Variants in PLEKHH2 observed in about 807,000 individuals in gnomAD.
The protein encoded by PLEKHH2 is pleckstrin homology domain-containing family H member 2.
A neutral mutation model predicts 187.9 loss-of-function variants in PLEKHH2; 129 were observed. The ratio of observed to expected loss-of-function variants is 0.69; its 90% CI spans 0.59 to 0.79. The LOEUF is 0.79. Among genes scored for constraint, PLEKHH2 ranks in the 30% least tolerant of loss-of-function variants. The pLI is 0.00. For missense variants in PLEKHH2, 2,076 were observed against 1,751.2 expected, an observed-to-expected ratio of 1.19 and a Z score of -3.31; for synonymous variants, 686 against 605.6, an observed-to-expected ratio of 1.13 and a Z score of -1.95.
chr2:43,665,966 C>T (rs12990173), intron 2 of PLEKHH2, among the ~76,000 whole-genome samples: 5 of 123,558 alleles, frequency 4.0e-5, no homozygotes, highest in African/African-American at 1.3e-4. Flanking sequence ...AGCCTACAGA[C>T]GCAGGCAGGC....
At chr2:43,655,696 G>A (rs1666720111) in intron 2 of PLEKHH2, among the ~76,000 whole-genome samples, 2 of 152,140 alleles carry the variant, frequency 1.3e-5, no homozygotes, top group African/African-American at 2.4e-5. Context: ...AAAGCCTAAG[G>A]TTGTGTGGGG....
At chr2:43,678,556 G>GA (rs1367449376) in intron 2 of PLEKHH2, among the ~76,000 whole-genome samples, 1 of 152,130 alleles carries the variant, frequency 6.6e-6, no homozygotes, top group African/African-American at 2.4e-5. Context: ...AAAAAAATAC[G>GA]AAAACCAGTC....
At chr2:43,675,291 A>G in intron 2 of PLEKHH2, 1 of 848,040 alleles carries the variant, frequency 1.2e-6, no homozygotes, top group South Asian at 2.4e-5. Flanking sequence ...TGAAGTACGT[A>G]TTTTACACTT....
rs1160683546 is a variant in PLEKHH2 at position 43,699,983 on chromosome 2, G to A, written c.1025G>A (p.Gly342Asp). The change falls in exon 8 of 30, where the codon GGC becomes GAC. Residue 342 changes from glycine to aspartate, a missense_variant. Physicochemically the swap from Gly to Asp is moderately conservative, Grantham distance 94 (BLOSUM62 -1). Coordinates refer to ENST00000282406, the MANE Select transcript of PLEKHH2 (RefSeq NM_172069.4). Reference protein sequence around the residue: ...SSSIFEEETFGIKRPEHKKLY... With the variant: ...SSSIFEEETFDIKRPEHKKLY... ...TCTATATTTGAGGAAGAGACTTTTG[G>A]CATAAAGAGACCAGAACACAAGAAG... 1 of 1,614,034 alleles carries A rather than the reference G, an allele frequency of 6.2e-7. No individual in the cohort carries two copies. Among genetic ancestry groups the A allele is most frequent in the East Asian group, 2.2e-5 (1 of 44,898 alleles).
At chr2:43,738,290 A>G in intron 19 of PLEKHH2, 51 bp from the exon 20 acceptor site, 5 of 1,431,378 alleles carry the variant, frequency 3.5e-6, no homozygotes, top group East Asian at 2.3e-5. Flanking sequence ...TTCATGCAGA[A>G]TAAATCTAAT....
At chr2:43,732,652 C>A (rs1205065803) in intron 19 of PLEKHH2, among the ~76,000 whole-genome samples, 1 of 152,190 alleles carries the variant, frequency 6.6e-6, no homozygotes, top group Non-Finnish European at 1.5e-5. Context: ...TACTCTTCCA[C>A]TTTTTCTTCA....
rs1266130239 is a variant in PLEKHH2 at position 43,742,660 on chromosome 2, C to T, written c.3222-81C>T. On this transcript the variant is annotated intron_variant, in intron 21 of 29. Transcript: ENST00000282406. Reference sequence around the variant, plus strand: ...GCCTAATACATTGTGATAATGTACACGGATGCTTTCTTAATGGTTGCACAT... The same window carrying T: ...GCCTAATACATTGTGATAATGTACATGGATGCTTTCTTAATGGTTGCACAT... 23 of 1,083,428 alleles carry T rather than the reference C, an allele frequency of 2.1e-5. No homozygotes were observed. The East Asian group carries it at 3.3e-4, about 15-fold the overall frequency. The allele number at this position is 1,083,428 out of a possible 1,614,324, so 67.1% of individuals were successfully genotyped here.
At chr2:43,703,508 A>G (rs1291022660) in intron 8 of PLEKHH2, among the ~76,000 whole-genome samples, 3 of 152,196 alleles carry the variant, frequency 2.0e-5, no homozygotes, top group Non-Finnish European at 4.4e-5. Flanking sequence ...AGGTTTTTCC[A>G]TTCTTTGTTT....
Position 43,764,298 on chromosome 2 carries a change from T to C in PLEKHH2, c.4229T>C (p.Val1410Ala). 6.2e-7 allele frequency: 1 copy of C among 1,604,718 alleles called. No homozygotes were observed. Among genetic ancestry groups the C allele is most frequent in the Non-Finnish European group, 8.5e-7 (1 of 1,174,118 alleles). The part of the protein sequence containing the change: ...FGGYQDDFMV[V>A]INNTHSKDKP... ...GGCTATCAAGATGATTTTATGGTAG[T>C]CATTAACAATACACATTCAAAGGAC... is the stretch of plus-strand genomic sequence containing the variant. Residue 1410 changes from valine (V) to alanine (A), a missense_variant, in exon 29 of 30, where the codon GTC (valine) becomes GCC (alanine). By Grantham distance (64) the Val-to-Ala change is moderately conservative (BLOSUM62 0). Coordinates refer to ENST00000282406, the MANE Select transcript of PLEKHH2 (RefSeq NM_172069.4).
At chr2:43,711,580 T>C in intron 14 of PLEKHH2, 1 of 977,150 alleles carries the variant, frequency 1.0e-6, no homozygotes, top group Non-Finnish European at 1.2e-6. Context: ...CTTTAATCAT[T>C]CTGCTCCTCA....
At chr2:43,667,829 T>G (rs1173367860) in intron 2 of PLEKHH2, among the ~76,000 whole-genome samples, 1 of 152,202 alleles carries the variant, frequency 6.6e-6, no homozygotes, top group African/African-American at 2.4e-5. Flanking sequence ...GGCTTTCTGT[T>G]TGAGGTGATG....
chr2:43,656,251 CCA>C (rs1258841745), intron 2 of PLEKHH2, among the ~76,000 whole-genome samples: 1 of 152,156 alleles, frequency 6.6e-6, no homozygotes, highest in Non-Finnish European at 1.5e-5. Context: ...GTCACTGTGC[CCA>C]GCCTATCTTA....
intron 9 of PLEKHH2, among the ~76,000 whole-genome samples, chr2:43,704,337 C>A (rs1669541035): frequency 2.0e-5 from 3 of 152,068 alleles, no homozygotes; most frequent in African/African-American, 7.2e-5. Flanking sequence ...AGTGTGAATA[C>A]ACTTAACATT....
intron 2 of PLEKHH2, among the ~76,000 whole-genome samples, chr2:43,667,649 C>T (rs1226052760): frequency 1.3e-5 from 2 of 152,088 alleles, no homozygotes; most frequent in East Asian, 3.9e-4. Flanking sequence ...CATGGATGGA[C>T]CTTGAAGACA....
intron 2 of PLEKHH2, among the ~76,000 whole-genome samples, chr2:43,652,052 C>G (rs969116413): frequency 2.0e-5 from 3 of 152,156 alleles, no homozygotes; most frequent in Non-Finnish European, 4.4e-5. Context: ...AGCAGTCAAT[C>G]TTTTCTTTAG....
chr2:43,756,062 C>T (rs1672198352), intron 25 of PLEKHH2, among the ~76,000 whole-genome samples: 1 of 152,084 alleles, frequency 6.6e-6, no homozygotes, highest in South Asian at 2.1e-4. Flanking sequence ...CTCAACATTC[C>T]CTTAATACTC....
At chr2:43,649,934 T>C (rs1666381690) in intron 2 of PLEKHH2, among the ~76,000 whole-genome samples, 1 of 152,164 alleles carries the variant, frequency 6.6e-6, no homozygotes, top group Non-Finnish European at 1.5e-5. Context: ...TGAGAGGCTC[T>C]GTAAGTATAC....
In PLEKHH2 at chr2:43,720,685, C is replaced by T. The variant is rs150348923; in HGVS notation, c.2477C>T (p.Ser826Phe). ...GLLTKVKHGY[S>F]KRVWCTLIGK... is the part of the protein sequence containing the mutation. ...TGGTTTCAGGTAAAACATGGATATT[C>T]CAAGAGAGTCTGGTGTACACTAATA... Residue 826 changes from serine (S) to phenylalanine (F), a missense_variant, in exon 16 of 30, where the codon TCC (serine) becomes TTC (phenylalanine). Physicochemically the swap from Ser to Phe is radical, Grantham distance 155 (BLOSUM62 -2). Coordinates refer to ENST00000282406, the MANE Select transcript of PLEKHH2 (RefSeq NM_172069.4). 1.2e-6 allele frequency: 2 copies of T among 1,609,552 alleles called. No homozygotes were observed. The highest frequency in any genetic ancestry group is 1.7e-6 in the Non-Finnish European group (2 of 1,178,592).
At chr2:43,756,574 A>T (rs1472995253) in intron 25 of PLEKHH2, among the ~76,000 whole-genome samples, 1 of 152,234 alleles carries the variant, frequency 6.6e-6, no homozygotes, top group African/African-American at 2.4e-5. Context: ...AGCAAGTACT[A>T]CTAGATGGTG....
Sources: gnomAD v4.1 joint callset for allele counts (sites outside exome capture counted in the v4.1 genomes callset) on GRCh38, gnomAD v4.1.1 for gene constraint, MANE v1.5 for transcripts, NCBI Gene and HGNC (gene_info 2026-07-23, HGNC 2026-07-21) for gene names.